The following RASAL2 variants were observed in gnomAD, a reference collection of about 807,000 sequenced individuals.
RASAL2 encodes RAS protein activator like 2.
Under a neutral mutation model 128.9 loss-of-function variants are expected in RASAL2, and 58 were observed. The observed-to-expected ratio is 0.45, with a 90% CI of 0.36 to 0.56. The LOEUF (loss-of-function observed/expected upper bound fraction) is 0.56. Among genes scored for constraint, RASAL2 ranks in the 20% least tolerant of loss-of-function variants. The pLI is 0.00. For synonymous variants in RASAL2, 561 were observed against 580.8 expected (o/e 0.97, Z 0.49); for missense variants, 1,360 against 1,601.6 (o/e 0.85, Z 2.57).
At chr1:178,194,172 T>C (rs183030630) in intron 1 of RASAL2, among the ~76,000 whole-genome samples, 1 of 152,352 alleles carries the variant, frequency 6.6e-6, no homozygotes, top group African/African-American at 2.4e-5. Flanking sequence ...TTATCACTCC[T>C]GAGCAACATC....
intron 9 of RASAL2, among the ~76,000 whole-genome samples, chr1:178,449,163 G>T (rs190694552): frequency 1.3e-5 from 2 of 152,108 alleles, no homozygotes; most frequent in African/African-American, 2.4e-5. Context: ...AATAGTGTAC[G>T]ATATCTGTCT....
chr1:178,356,995 T>A (rs934916603), intron 3 of RASAL2, among the ~76,000 whole-genome samples: 2 of 152,198 alleles, frequency 1.3e-5, no homozygotes, highest in Admixed American at 6.5e-5. Context: ...GTGTTTTTGT[T>A]TTTTGCAGTT....
intron 1 of RASAL2, among the ~76,000 whole-genome samples, chr1:178,216,998 G>A (rs544779017): frequency 2.7e-5 from 4 of 150,812 alleles, no homozygotes; most frequent in South Asian, 4.2e-4. Context: ...TTTTTGAGAC[G>A]GAGTTTCGCT....
chr1:178,364,465 G>A (rs533912403), intron 3 of RASAL2, among the ~76,000 whole-genome samples: 11 of 152,298 alleles, frequency 7.2e-5, no homozygotes, highest in African/African-American at 2.6e-4. Context: ...CTACAACCTT[G>A]TAGGGTTGAT....
At chr1:178,379,720 G>A (rs528865633) in intron 3 of RASAL2, among the ~76,000 whole-genome samples, 1 of 152,196 alleles carries the variant, frequency 6.6e-6, no homozygotes, top group African/African-American at 2.4e-5. Flanking sequence ...TACATCCTTT[G>A]TTTAGGGATT....
intron 3 of RASAL2, among the ~76,000 whole-genome samples, chr1:178,371,788 G>C (rs914488335): frequency 6.6e-6 from 1 of 152,126 alleles, no homozygotes; most frequent in African/African-American, 2.4e-5. Flanking sequence ...GTTTTTGTTT[G>C]ATATTTTTTA....
intron 1 of RASAL2, among the ~76,000 whole-genome samples, chr1:178,142,392 G>A (rs1398492912): frequency 6.6e-6 from 1 of 152,118 alleles, no homozygotes; most frequent in Non-Finnish European, 1.5e-5. Flanking sequence ...CAGGTTCCCT[G>A]TAATGTTTTA....
chr1:178,243,904 CT>C (rs1558136983), intron 1 of RASAL2, among the ~76,000 whole-genome samples: 1 of 152,116 alleles, frequency 6.6e-6, no homozygotes, highest in Non-Finnish European at 1.5e-5. Flanking sequence ...TTTTCTTAAT[CT>C]TTTGTTATTC....
At chr1:178,256,103 C>T (rs188442641) in intron 1 of RASAL2, among the ~76,000 whole-genome samples, 18 of 152,186 alleles carry the variant, frequency 1.2e-4, no homozygotes, top group African/African-American at 4.3e-4. Context: ...AATAGAGGGG[C>T]ATCCTCAATA....
At chr1:178,232,428 C>G (rs960417664) in intron 1 of RASAL2, among the ~76,000 whole-genome samples, 1 of 152,174 alleles carries the variant, frequency 6.6e-6, no homozygotes, top group Non-Finnish European at 1.5e-5. Context: ...AGCAAACTTT[C>G]TTCTTCCAGA....
At chr1:178,336,652 AATAAATAT>A (rs1669601845) in intron 3 of RASAL2, among the ~76,000 whole-genome samples, 1 of 151,656 alleles carries the variant, frequency 6.6e-6, no homozygotes. Context: ...TGTATAACTA[AATAAATAT>A]ATAAATATAT....
intron 3 of RASAL2, among the ~76,000 whole-genome samples, chr1:178,330,476 A>G (rs924222728): frequency 5.9e-5 from 9 of 152,154 alleles, no homozygotes; most frequent in Admixed American, 1.3e-4. Context: ...TTCTCTGTGG[A>G]TGGAACAAAA....
chr1:178,386,967 A>G (rs1196398505), intron 3 of RASAL2, among the ~76,000 whole-genome samples: 1 of 152,204 alleles, frequency 6.6e-6, no homozygotes, highest in Non-Finnish European at 1.5e-5. Context: ...CAAGTTTAAT[A>G]TGCTGTTCGT....
chr1:178,141,162 C>T (rs1660512868), intron 1 of RASAL2, among the ~76,000 whole-genome samples: 1 of 151,528 alleles, frequency 6.6e-6, no homozygotes, highest in Non-Finnish European at 1.5e-5. Context: ...GGCCCCATCT[C>T]CAACACTGGA....
At chr1:178,115,223 T>C (rs747769491) in intron 1 of RASAL2, among the ~76,000 whole-genome samples, 4 of 152,234 alleles carry the variant, frequency 2.6e-5, no homozygotes, top group African/African-American at 9.6e-5. Context: ...ATTGTTTGTG[T>C]CTTTGAAGGA....
At chr1:178,418,558 T>C (rs1249862666) in intron 4 of RASAL2, among the ~76,000 whole-genome samples, 7 of 152,200 alleles carry the variant, frequency 4.6e-5, no homozygotes, top group South Asian at 2.1e-4. Context: ...CAATAAGATA[T>C]AGCATTATAA....
At chr1:178,445,698 A>G (rs754473425) in intron 9 of RASAL2, 36 bp downstream of exon 9, 2 of 1,573,450 alleles carry the variant, frequency 1.3e-6, no homozygotes, top group Non-Finnish European at 1.7e-6. Flanking sequence ...TCTTTTATTT[A>G]CTTTTCAGTT....
chr1:178,425,682 A>G (rs1190126698), intron 5 of RASAL2, among the ~76,000 whole-genome samples: 1 of 152,156 alleles, frequency 6.6e-6, no homozygotes, highest in Non-Finnish European at 1.5e-5. Context: ...TAGCTACTAG[A>G]GCTCCAACCA....
intron 1 of RASAL2, among the ~76,000 whole-genome samples, chr1:178,099,815 A>G (rs1658826159): frequency 1.3e-5 from 2 of 152,068 alleles, no homozygotes; most frequent in Admixed American, 6.5e-5. Flanking sequence ...CAAAGAAATT[A>G]GCCGGGTGTG....
Sources: gnomAD v4.1 joint callset for allele counts (sites outside exome capture counted in the v4.1 genomes callset) on GRCh38, gnomAD v4.1.1 for gene constraint, MANE v1.5 for transcripts, NCBI Gene and HGNC (gene_info 2026-07-23, HGNC 2026-07-21) for gene names.